The following IGSF11 variants were observed in gnomAD, a reference collection of about 807,000 sequenced individuals.
The protein encoded by IGSF11 is CXADR like 1.
Under a neutral mutation model 41.0 loss-of-function variants are expected in IGSF11, and 22 were observed. The observed-to-expected ratio is 0.54, with a 90% CI of 0.38 to 0.77. IGSF11 has a LOEUF of 0.77. IGSF11 is among the 30% of genes least tolerant of loss of function. The probability of loss-of-function intolerance (pLI) is 0.00; values close to 1 mark genes in which losing one functional copy is unlikely to be tolerated. For synonymous variants in IGSF11, 219 were observed against 201.3 expected, an observed-to-expected ratio of 1.09 and a Z score of -0.74; for missense variants, 444 against 530.8, an observed-to-expected ratio of 0.84 and a Z score of 1.61.
chr3:118,975,044 T>C (rs1234775030), intron 1 of IGSF11, among the ~76,000 whole-genome samples: 1 of 152,120 alleles, frequency 6.6e-6, no homozygotes, highest in Non-Finnish European at 1.5e-5. Flanking sequence ...TCAACCCTCC[T>C]TCCATGACCA....
chr3:118,922,707 A>G (rs1941929071), intron 4 of IGSF11, among the ~76,000 whole-genome samples: 1 of 152,114 alleles, frequency 6.6e-6, no homozygotes, highest in African/African-American at 2.4e-5. Context: ...TGGGTATTTT[A>G]TAAGCAACAG....
intron 1 of IGSF11, among the ~76,000 whole-genome samples, chr3:119,114,172 C>A (rs561819827): frequency 1.3e-5 from 2 of 152,320 alleles, no homozygotes; most frequent in East Asian, 3.9e-4. Flanking sequence ...AGGCATTTTC[C>A]CCATTGTCTT....
chr3:118,969,085 G>A (rs1198941160), intron 1 of IGSF11, among the ~76,000 whole-genome samples: 1 of 151,840 alleles, frequency 6.6e-6, no homozygotes, highest in Non-Finnish European at 1.5e-5. Context: ...ACAGGGTATG[G>A]CCCATGTTCC....
intron 1 of IGSF11, among the ~76,000 whole-genome samples, chr3:118,958,577 G>C (rs1304572958): frequency 2.0e-5 from 3 of 152,022 alleles, no homozygotes; most frequent in Admixed American, 2.0e-4. Flanking sequence ...TTATTACAAA[G>C]CATGCATGCA....
chr3:119,026,579 T>C (rs1274194055), intron 1 of IGSF11, among the ~76,000 whole-genome samples: 2 of 152,314 alleles, frequency 1.3e-5, no homozygotes, highest in East Asian at 1.9e-4. Flanking sequence ...GTAGTCACTG[T>C]AGTCTTCGCC....
intron 1 of IGSF11, among the ~76,000 whole-genome samples, chr3:118,970,721 A>G (rs1933295577): frequency 6.6e-6 from 1 of 151,068 alleles, no homozygotes; most frequent in African/African-American, 2.4e-5. Flanking sequence ...TTCAAATACT[A>G]CTAGCTTTCA....
intron 1 of IGSF11, among the ~76,000 whole-genome samples, chr3:119,104,502 AT>A: frequency 6.6e-6 from 1 of 152,224 alleles, no homozygotes; most frequent in Non-Finnish European, 1.5e-5. Context: ...ATAAGCTTCC[AT>A]TTTTTATTAT....
Position 119,142,821 on chromosome 3 carries a change from G to A in IGSF11, c.-14+2992C>T, listed in dbSNP as rs376051621. On this transcript the variant is annotated intron_variant, in intron 1 of 7. Coordinates refer to the IGSF11 transcript ENST00000425327. ...GACAATAAAACTTTCAAAAGAGAAAGACATTTTGAAAGAGAAAATATTGAA... is the reference window on the plus strand; with the variant it reads ...GACAATAAAACTTTCAAAAGAGAAAAACATTTTGAAAGAGAAAATATTGAA... Among the ~76,000 whole-genome samples, 76 of 152,114 alleles carry A rather than the reference G, an allele frequency of 5.0e-4. 1 individual carries two copies. Among genetic ancestry groups the A allele is most frequent in the African/African-American group, 1.8e-3 (74 of 41,514 alleles).
At chr3:118,964,086 C>A (rs1009780378) in intron 1 of IGSF11, among the ~76,000 whole-genome samples, 1 of 152,156 alleles carries the variant, frequency 6.6e-6, no homozygotes, top group African/African-American at 2.4e-5. Context: ...ATCCCCACCC[C>A]CAAAGTCTAA....
intron 1 of IGSF11, among the ~76,000 whole-genome samples, chr3:119,129,500 GATATAA>G (rs1243311675): frequency 6.6e-6 from 1 of 152,056 alleles, no homozygotes; most frequent in East Asian, 1.9e-4. Context: ...AGTACTATAA[GATATAA>G]ATAGAAACAA....
At chr3:119,029,839 A>G (rs1379580913) in intron 1 of IGSF11, among the ~76,000 whole-genome samples, 1 of 152,236 alleles carries the variant, frequency 6.6e-6, no homozygotes, top group African/African-American at 2.4e-5. Context: ...AGTGGCCCCA[A>G]TATATTAGAG....
chr3:119,049,572 C>T (rs1465772955), intron 1 of IGSF11, among the ~76,000 whole-genome samples: 1 of 150,392 alleles, frequency 6.6e-6, no homozygotes, highest in Non-Finnish European at 1.5e-5. Context: ...GGCCATACTG[C>T]CCAAGGTAAT....
At chr3:119,040,594 T>C (rs1941082405) in intron 1 of IGSF11, among the ~76,000 whole-genome samples, 1 of 152,260 alleles carries the variant, frequency 6.6e-6, no homozygotes. Context: ...TTCTTAGTAT[T>C]CTGTCATTAA....
chr3:119,089,810 A>C (rs1338684342), intron 1 of IGSF11, among the ~76,000 whole-genome samples: 1 of 152,188 alleles, frequency 6.6e-6, no homozygotes, highest in Non-Finnish European at 1.5e-5. Context: ...AGATCAGCTG[A>C]GATTGAGAGT....
intron 1 of IGSF11, among the ~76,000 whole-genome samples, chr3:119,054,261 T>G (rs1333129320): frequency 2.6e-5 from 4 of 152,042 alleles, no homozygotes; most frequent in African/African-American, 9.7e-5. Context: ...CTTCACAAAC[T>G]ATGCATCTTC....
At chr3:119,122,834 C>A (rs2077351539) in intron 1 of IGSF11, among the ~76,000 whole-genome samples, 1 of 152,168 alleles carries the variant, frequency 6.6e-6, no homozygotes, top group African/African-American at 2.4e-5. Context: ...ACTGAATAAC[C>A]AGCAGTGATA....
At chr3:119,051,206 G>C (rs1941613352) in intron 1 of IGSF11, among the ~76,000 whole-genome samples, 1 of 150,854 alleles carries the variant, frequency 6.6e-6, no homozygotes, top group Non-Finnish European at 1.5e-5. Context: ...CCACAAACAA[G>C]TATCTGCTGT....
intron 4 of IGSF11, among the ~76,000 whole-genome samples, chr3:118,920,271 A>T (rs987109913): frequency 2.4e-4 from 37 of 151,864 alleles, no homozygotes; most frequent in African/African-American, 8.7e-4. Flanking sequence ...AAAAAAAACA[A>T]TAATGTGTCA....
At chr3:118,976,930 C>A (rs79599696) in intron 1 of IGSF11, among the ~76,000 whole-genome samples, 3,683 of 152,288 alleles carry the variant, frequency 0.024, 79 homozygotes, top group East Asian at 0.066. Context: ...AAGTGAACTT[C>A]CTGTCACCCA....
Sources: gnomAD v4.1 joint callset for allele counts (sites outside exome capture counted in the v4.1 genomes callset) on GRCh38, gnomAD v4.1.1 for gene constraint, MANE v1.5 for transcripts, NCBI Gene and HGNC (gene_info 2026-07-23, HGNC 2026-07-21) for gene names.